The following ENOX1 variants were observed in gnomAD, a reference collection of about 807,000 sequenced individuals.
The protein encoded by ENOX1 is candidate growth-related and time keeping constitutive hydroquinone (NADH) oxidase.
In ENOX1, 42 loss-of-function variants were observed where a neutral mutation model predicts 82.5. The observed-to-expected ratio is 0.51, with a 90% confidence interval of 0.40 to 0.66. ENOX1 has a LOEUF of 0.66. Among genes scored for constraint, ENOX1 ranks in the 30% least tolerant of loss-of-function variants. The pLI is 0.00. For missense variants in ENOX1, 608 were observed against 811.6 expected (o/e 0.75, Z 3.05); for synonymous variants, 271 against 282.2 (o/e 0.96, Z 0.40).
intron 5 of ENOX1, among the ~76,000 whole-genome samples, chr13:43,377,351 G>A (rs1594221294): frequency 2.0e-5 from 3 of 152,168 alleles, no homozygotes; most frequent in African/African-American, 7.2e-5. Context: ...AGCAGATGCT[G>A]GCACCATGCC....
intron 11 of ENOX1, among the ~76,000 whole-genome samples, chr13:43,299,163 C>T (rs370056767): frequency 1.3e-5 from 2 of 152,150 alleles, no homozygotes; most frequent in East Asian, 1.9e-4. Flanking sequence ...ACTCTAATAC[C>T]TCTCCCTGAA....
In ENOX1 at chr13:43,224,059, G is replaced by A. The variant is rs1236233054; in HGVS notation, c.1794C>T (p.Asp598=). The change falls in exon 16 of 17, where the codon GAC becomes GAT. Residue 598 remains aspartate, a synonymous_variant. Transcript: ENST00000690772. The part of the protein sequence containing the change: ...EYLWSYMQQL[D]SKISANEIEM... The stretch of plus-strand genomic sequence containing the variant: ...CTCGAGCAAAATAATTTACCTTGGA[G>A]TCCAGCTGCTGCATGTATGACCAAA... 1 of 1,613,284 alleles carries A rather than the reference G, an allele frequency of 6.2e-7. No homozygotes were observed. Among genetic ancestry groups the A allele is most frequent in the African/African-American group, 1.3e-5 (1 of 74,920 alleles).
intron 2 of ENOX1, among the ~76,000 whole-genome samples, chr13:43,664,053 A>C (rs2153787050): frequency 6.6e-6 from 1 of 152,332 alleles, no homozygotes; most frequent in Non-Finnish European, 1.5e-5. Context: ...ATTTTCTGAA[A>C]AATGTTGATA....
chr13:43,647,546 A>G (rs771519433), intron 2 of ENOX1, among the ~76,000 whole-genome samples: 1 of 152,194 alleles, frequency 6.6e-6, no homozygotes, highest in Non-Finnish European at 1.5e-5. Flanking sequence ...AAGTTCCACA[A>G]ATATTTCTTG....
intron 2 of ENOX1, among the ~76,000 whole-genome samples, chr13:43,572,865 A>C (rs768926941): frequency 3.3e-5 from 5 of 152,234 alleles, no homozygotes; most frequent in African/African-American, 4.8e-5. Flanking sequence ...CCCTGAGGCC[A>C]GTTCTTGCCA....
intron 2 of ENOX1, among the ~76,000 whole-genome samples, chr13:43,642,691 G>A (rs2153768332): frequency 6.6e-6 from 1 of 152,290 alleles, no homozygotes; most frequent in East Asian, 1.9e-4. Context: ...ATCCCACTGG[G>A]ATTGGATTCC....
At chr13:43,677,167 G>A (rs1055063370) in intron 1 of ENOX1, among the ~76,000 whole-genome samples, 1 of 152,034 alleles carries the variant, frequency 6.6e-6, no homozygotes. Context: ...AATGAGATTG[G>A]CAGAGAATAC....
chr13:43,326,229 C>T (rs904101900), intron 10 of ENOX1, among the ~76,000 whole-genome samples, 190 bp downstream of exon 10: 1 of 152,146 alleles, frequency 6.6e-6, no homozygotes, highest in Non-Finnish European at 1.5e-5. Context: ...ACACTGTGTT[C>T]CCTAAGTGTT....
At chr13:43,632,722 C>T (rs2083270818) in intron 2 of ENOX1, among the ~76,000 whole-genome samples, 1 of 152,168 alleles carries the variant, frequency 6.6e-6, no homozygotes, top group African/African-American at 2.4e-5. Context: ...GCTGGGATTA[C>T]AGGCGTGAAC....
chr13:43,472,971 G>C (rs527956466), intron 3 of ENOX1, among the ~76,000 whole-genome samples: 1 of 152,300 alleles, frequency 6.6e-6, no homozygotes, highest in Non-Finnish European at 1.5e-5. Context: ...GGAATTCTCA[G>C]ACAGGAATAA....
intron 3 of ENOX1, among the ~76,000 whole-genome samples, chr13:43,433,464 C>T (rs1324983586): frequency 6.6e-6 from 1 of 152,124 alleles, no homozygotes; most frequent in East Asian, 1.9e-4. Context: ...GGGACAAACT[C>T]AAACCATAGC....
At chr13:43,247,864 TATATATATATATATATATA>T (rs569003112) in intron 14 of ENOX1, among the ~76,000 whole-genome samples, 58 of 2,246 alleles carry the variant, frequency 0.026, 4 homozygotes, top group African/African-American at 0.058. Context: ...TATATATATA[TATATATATATATATATATA>T]TTTTTTTTTT....
chr13:43,414,261 C>T (rs2054310983), intron 3 of ENOX1, among the ~76,000 whole-genome samples: 1 of 152,122 alleles, frequency 6.6e-6, no homozygotes, highest in Non-Finnish European at 1.5e-5. Flanking sequence ...TTTATGGTCT[C>T]AACAAATCCC....
At chr13:43,639,336 C>A (rs1018297541) in intron 2 of ENOX1, among the ~76,000 whole-genome samples, 4 of 152,072 alleles carry the variant, frequency 2.6e-5, no homozygotes, top group Non-Finnish European at 4.4e-5. Flanking sequence ...CATATACAAA[C>A]CTTTTCACTA....
intron 3 of ENOX1, among the ~76,000 whole-genome samples, chr13:43,426,886 C>T (rs1390976621): frequency 2.0e-5 from 3 of 152,026 alleles, no homozygotes; most frequent in African/African-American, 4.8e-5. Context: ...CAACATAAAA[C>T]AAAATGCACC....
intron 2 of ENOX1, among the ~76,000 whole-genome samples, chr13:43,652,204 G>A (rs539196038): frequency 6.6e-6 from 1 of 152,254 alleles, no homozygotes; most frequent in East Asian, 1.9e-4. Flanking sequence ...GGGTGGAGGG[G>A]TGGAAGTCAC....
chr13:43,403,507 C>A (rs2053614049), intron 5 of ENOX1, among the ~76,000 whole-genome samples: 1 of 152,116 alleles, frequency 6.6e-6, no homozygotes, highest in South Asian at 2.1e-4. Flanking sequence ...CAAAGCAAAT[C>A]TTTTTTGGAA....
intron 2 of ENOX1, among the ~76,000 whole-genome samples, chr13:43,581,210 G>C (rs2080718693): frequency 7.7e-6 from 1 of 130,502 alleles, no homozygotes; most frequent in South Asian, 2.5e-4. Flanking sequence ...TCGGCTCACT[G>C]CAAGCTCCGC....
intron 2 of ENOX1, among the ~76,000 whole-genome samples, chr13:43,593,492 A>AAC (rs140213874): frequency 0.71 from 89,471 of 125,198 alleles, 29,445 homozygotes; most frequent in Non-Finnish European, 0.78. Context: ...AACAAAACAA[A>AAC]GAAGCCCTTC....
Sources: gnomAD v4.1 joint callset for allele counts (sites outside exome capture counted in the v4.1 genomes callset) on GRCh38, gnomAD v4.1.1 for gene constraint, MANE v1.5 for transcripts, NCBI Gene and HGNC (gene_info 2026-07-23, HGNC 2026-07-21) for gene names.